PHLPP1: variants seen among roughly 807,000 people sequenced by gnomAD.
PHLPP1 encodes PH domain leucine-rich repeat-containing protein phosphatase 1.
Under a neutral mutation model 117.2 loss-of-function variants are expected in PHLPP1, and 42 were observed. The ratio of observed to expected loss-of-function variants is 0.36; its 90% confidence interval spans 0.28 to 0.46. The LOEUF is 0.46. Ranked by LOEUF, PHLPP1 falls within the 20% of genes least tolerant of loss-of-function variation. The pLI is 1.00. For synonymous variants in PHLPP1, 1,042 were observed against 970.7 expected, an observed-to-expected ratio of 1.07 and a Z score of -1.37; for missense variants, 2,084 against 2,241.9, an observed-to-expected ratio of 0.93 and a Z score of 1.42.
chr18:62,883,919 C>A (rs999466639), intron 4 of PHLPP1, among the ~76,000 whole-genome samples: 4 of 152,156 alleles, frequency 2.6e-5, no homozygotes, highest in Non-Finnish European at 4.4e-5. Context: ...TTCAGAGTCT[C>A]TTGGATTTCA....
At chr18:62,820,637 G>T (rs146325946) in intron 1 of PHLPP1, among the ~76,000 whole-genome samples, 1 of 152,290 alleles carries the variant, frequency 6.6e-6, no homozygotes, top group East Asian at 1.9e-4. Flanking sequence ...ACCTTGTGAA[G>T]AAGGTGCTTT....
intron 1 of PHLPP1, among the ~76,000 whole-genome samples, chr18:62,786,483 T>C (rs894581044): frequency 6.6e-6 from 1 of 152,252 alleles, no homozygotes; most frequent in Non-Finnish European, 1.5e-5. Flanking sequence ...TTCCTAGCTC[T>C]GTGACCTTGG....
intron 1 of PHLPP1, among the ~76,000 whole-genome samples, chr18:62,815,862 A>G (rs1013402438): frequency 2.6e-5 from 4 of 152,200 alleles, no homozygotes; most frequent in African/African-American, 9.6e-5. Context: ...CCTTTTCCTG[A>G]TATTTGAATG....
intron 7 of PHLPP1, 81 bp from the exon 8 acceptor site, chr18:62,905,143 T>G: frequency 1.4e-6 from 1 of 716,560 alleles, no homozygotes; most frequent in Non-Finnish European, 2.1e-6. Context: ...TAAAGCACAG[T>G]AATGACGTTC....
At chr18:62,727,994 A>G (rs1156714195) in intron 1 of PHLPP1, among the ~76,000 whole-genome samples, 1 of 152,012 alleles carries the variant, frequency 6.6e-6, no homozygotes, top group African/African-American at 2.4e-5. Context: ...CGTATTAGAG[A>G]TAATTTTTTA....
chr18:62,749,790 T>TG (rs1186822488), intron 1 of PHLPP1, among the ~76,000 whole-genome samples: 1 of 152,044 alleles, frequency 6.6e-6, no homozygotes, highest in Non-Finnish European at 1.5e-5. Flanking sequence ...CCGAAGCGGG[T>TG]GGGTCACTTG....
Position 62,902,885 on chromosome 18 carries a change from G to T in PHLPP1, c.2445-79G>T, listed in dbSNP as rs753746845. Reference sequence around the variant, plus strand: ...TACAGAGAGAACTGAGTTCTTTCTCGCTATTTCTCATATTAGGGTGTGCCC... The same window carrying T: ...TACAGAGAGAACTGAGTTCTTTCTCTCTATTTCTCATATTAGGGTGTGCCC... On this transcript the variant is annotated intron_variant, in intron 6 of 16. Coordinates refer to ENST00000262719, the MANE Select transcript of PHLPP1 (RefSeq NM_194449.4). 1.3e-5 allele frequency: 11 copies of T among 843,968 alleles called. No individual in the cohort carries two copies. The Admixed American group carries it at 1.9e-4, about 15-fold the overall frequency. 52.3% of individuals were successfully genotyped at this position (843,968 alleles called of 1,614,324 possible). A position where few individuals can be genotyped will look rare whatever the true frequency, so the allele number is the denominator to read the frequency against.
chr18:62,715,794 C>CGCGGCGGCTCTG lies in PHLPP1; in HGVS notation c.120_131dup (p.Leu41_Ala44dup). 2 of 704,160 alleles carry CGCGGCGGCTCTG rather than the reference C, an allele frequency of 2.8e-6. No individual in the cohort carries two copies. The highest frequency in any genetic ancestry group is 3.5e-6 in the Non-Finnish European group (2 of 569,502). The allele number at this position is 704,160 out of a possible 1,614,324, so 43.6% of individuals were successfully genotyped here. A position where few individuals can be genotyped will look rare whatever the true frequency, so the allele number is the denominator to read the frequency against. ...CGGCAGCAGCAGCAGCAGCGGCGGC[C>CGCGGCGGCTCTG]GCGGCGGCTCTGGCGGCGGCGGCCG... is the stretch of plus-strand genomic sequence containing the variant. On this transcript the variant is annotated inframe_insertion, in exon 1 of 17. Coordinates refer to ENST00000262719, the MANE Select transcript of PHLPP1 (RefSeq NM_194449.4).
intron 1 of PHLPP1, among the ~76,000 whole-genome samples, chr18:62,727,462 A>C (rs913607549): frequency 6.6e-6 from 1 of 151,784 alleles, no homozygotes; most frequent in South Asian, 2.1e-4. Context: ...ATAATAATAA[A>C]AAAAATTAGA....
intron 1 of PHLPP1, among the ~76,000 whole-genome samples, chr18:62,798,324 G>T (rs1411351666): frequency 2.6e-5 from 4 of 152,132 alleles, no homozygotes; most frequent in Admixed American, 6.5e-5. Context: ...TTGGGATCCA[G>T]GTGTGCATGA....
chr18:62,852,662 C>T (rs761520841), intron 3 of PHLPP1, among the ~76,000 whole-genome samples: 10 of 152,174 alleles, frequency 6.6e-5, no homozygotes, highest in Non-Finnish European at 1.2e-4. Context: ...CAGTGTTTCA[C>T]TTCACACAAG....
intron 4 of PHLPP1, among the ~76,000 whole-genome samples, chr18:62,884,089 G>A (rs1260896514): frequency 6.6e-6 from 1 of 152,182 alleles, no homozygotes; most frequent in Non-Finnish European, 1.5e-5. Context: ...ATACATTATG[G>A]TTCATTTGTA....
chr18:62,948,366 T>G (rs1055262581), intron 12 of PHLPP1, among the ~76,000 whole-genome samples: 1 of 152,134 alleles, frequency 6.6e-6, no homozygotes, highest in African/African-American at 2.4e-5. Context: ...TATAACTAGA[T>G]TTTGCAAAAC....
intron 1 of PHLPP1, among the ~76,000 whole-genome samples, 192 bp from the exon 2 acceptor site, chr18:62,829,843 C>T (rs1045737900): frequency 3.3e-5 from 5 of 152,296 alleles, no homozygotes; most frequent in Middle Eastern, 3.4e-3. Flanking sequence ...CTTATTGTTA[C>T]GTGTACATGT....
At chr18:62,976,903 C>T (rs1371162530) in intron 16 of PHLPP1, among the ~76,000 whole-genome samples, 2 of 152,182 alleles carry the variant, frequency 1.3e-5, no homozygotes, top group Non-Finnish European at 2.9e-5. Flanking sequence ...AGGCACAGGG[C>T]AGATGACTGA....
intron 4 of PHLPP1, among the ~76,000 whole-genome samples, chr18:62,864,166 C>T (rs182575622): frequency 4.2e-4 from 64 of 152,068 alleles, no homozygotes; most frequent in African/African-American, 1.5e-3. Flanking sequence ...GGACTATAGG[C>T]GCCCGCCACC....
intron 10 of PHLPP1, among the ~76,000 whole-genome samples, chr18:62,940,354 CTTTTTTTTTTTTTTTTT>C (rs66530466): frequency 2.1e-5 from 1 of 46,800 alleles, no homozygotes; most frequent in Non-Finnish European, 3.7e-5. Context: ...TCTTTCTTTT[CTTTTTTTTTTTTTTTTT>C]TTTTTTTTTT....
intron 4 of PHLPP1, among the ~76,000 whole-genome samples, chr18:62,874,684 C>T (rs796257185): frequency 2.0e-5 from 3 of 149,770 alleles, no homozygotes; most frequent in African/African-American, 7.7e-5. Context: ...CACACACACA[C>T]ACACACACTC....
chr18:62,868,809 G>T (rs1015707185), intron 4 of PHLPP1, among the ~76,000 whole-genome samples: 4 of 152,100 alleles, frequency 2.6e-5, no homozygotes, highest in African/African-American at 9.7e-5. Flanking sequence ...GAGCCATGTG[G>T]TATGAAAGGA....
Sources: gnomAD v4.1 joint callset for allele counts (sites outside exome capture counted in the v4.1 genomes callset) on GRCh38, gnomAD v4.1.1 for gene constraint, MANE v1.5 for transcripts, NCBI Gene and HGNC (gene_info 2026-07-23, HGNC 2026-07-21) for gene names.